Variants in SOX6 observed in about 807,000 individuals in gnomAD.
SOX6 encodes the protein SRY-box transcription factor 6, also known as transcription factor SOX-6.
SOX6 carries 11 observed loss-of-function variants against 97.8 expected under a neutral mutation model. That is an observed-to-expected ratio of 0.11 (90% CI 0.07 to 0.19). The LOEUF (loss-of-function observed/expected upper bound fraction) is 0.19, where lower values mean the gene tolerates loss of function less well. Among genes scored for constraint, SOX6 ranks in the 10% least tolerant of loss-of-function variants. SOX6 has a pLI of 1.00. For synonymous variants in SOX6, 360 were observed against 371.4 expected, an observed-to-expected ratio of 0.97 and a Z score of 0.35; for missense variants, 810 against 1,039.5, an observed-to-expected ratio of 0.78 and a Z score of 3.04.
chr11:16,190,325 G>C (rs755465655), intron 4 of SOX6, among the ~76,000 whole-genome samples: 1 of 152,114 alleles, frequency 6.6e-6, no homozygotes, highest in Non-Finnish European at 1.5e-5. Context: ...AGTACATACA[G>C]TCAACCCCCG....
chr11:16,043,723 C>T (rs1418794909), intron 12 of SOX6, among the ~76,000 whole-genome samples: 2 of 152,174 alleles, frequency 1.3e-5, no homozygotes, highest in Admixed American at 6.5e-5. Flanking sequence ...CACTGATGTG[C>T]AGCACAGATC....
At chr11:16,394,691 C>T (rs780083349) in intron 1 of SOX6, among the ~76,000 whole-genome samples, 48 of 151,754 alleles carry the variant, frequency 3.2e-4, no homozygotes, top group Admixed American at 7.2e-4. Flanking sequence ...ACCTTAAAAC[C>T]CTTCCATGTG....
upstream of SOX6, among the ~76,000 whole-genome samples, chr11:16,358,105 C>T (rs72869999): frequency 6.6e-6 from 1 of 152,074 alleles, no homozygotes; most frequent in African/African-American, 2.4e-5. Context: ...AGCTCCCATG[C>T]AGAATGTATA....
intron 6 of SOX6, among the ~76,000 whole-genome samples, chr11:16,176,429 A>C (rs1851187713): frequency 6.6e-6 from 1 of 151,750 alleles, no homozygotes; most frequent in African/African-American, 2.4e-5. Flanking sequence ...GGTAGTTATA[A>C]AAAAAAGTTA....
chr11:16,653,895 TATTTATG>T (rs1847687645), intron 3 of SOX6, among the ~76,000 whole-genome samples: 1 of 146,014 alleles, frequency 6.8e-6, no homozygotes, highest in Non-Finnish European at 1.5e-5. Context: ...CATAATATAA[TATTTATG>T]TAATATTACA....
At chr11:15,976,896 T>C (rs1344053242) in intron 15 of SOX6, among the ~76,000 whole-genome samples, 5 of 152,030 alleles carry the variant, frequency 3.3e-5, no homozygotes, top group African/African-American at 4.8e-5. Context: ...GAAACTTGGC[T>C]CTCTCTCTAG....
intron 4 of SOX6, among the ~76,000 whole-genome samples, chr11:16,573,476 A>G (rs574125125): frequency 1.3e-5 from 2 of 152,330 alleles, no homozygotes; most frequent in East Asian, 3.9e-4. Flanking sequence ...TTATTTCATT[A>G]TTTCAGAAGT....
intron 9 of SOX6, among the ~76,000 whole-genome samples, chr11:16,057,824 C>T (rs947192529): frequency 6.6e-6 from 1 of 151,998 alleles, no homozygotes; most frequent in African/African-American, 2.4e-5. Context: ...GATATGTTGC[C>T]TTCCTATTCT....
intron 4 of SOX6, among the ~76,000 whole-genome samples, chr11:16,593,968 T>C (rs1848182607): frequency 6.6e-6 from 1 of 152,244 alleles, no homozygotes; most frequent in African/African-American, 2.4e-5. Context: ...ATGCTCTATT[T>C]ACACAGCTCC....
chr11:16,575,401 T>C (rs1355551394), intron 4 of SOX6, among the ~76,000 whole-genome samples: 1 of 152,150 alleles, frequency 6.6e-6, no homozygotes, highest in African/African-American at 2.4e-5. Flanking sequence ...ATATATAGCC[T>C]ACAGAAACTT....
intron 3 of SOX6, among the ~76,000 whole-genome samples, chr11:16,668,222 A>G (rs748454252): frequency 3.9e-5 from 6 of 152,084 alleles, no homozygotes; most frequent in Non-Finnish European, 8.8e-5. Context: ...AAAAATACAA[A>G]AATTAGCCAG....
At chr11:16,078,569 T>A (rs1463579293) in intron 9 of SOX6, among the ~76,000 whole-genome samples, 1 of 152,170 alleles carries the variant, frequency 6.6e-6, no homozygotes, top group Non-Finnish European at 1.5e-5. Context: ...GTTGCTACTA[T>A]GGGCCAGGTA....
At chr11:16,594,825 G>A (rs1276177468) in intron 4 of SOX6, among the ~76,000 whole-genome samples, 1 of 150,870 alleles carries the variant, frequency 6.6e-6, no homozygotes, top group Non-Finnish European at 1.5e-5. Context: ...CAAGTAGCTG[G>A]GACTACAGGC....
At chr11:16,136,162 T>C (rs1849954752) in intron 6 of SOX6, among the ~76,000 whole-genome samples, 1 of 151,264 alleles carries the variant, frequency 6.6e-6, no homozygotes, top group Admixed American at 6.6e-5. Context: ...GGGACTACAG[T>C]TGCGCACCAA....
At chr11:16,355,829 C>G (rs1175793652) in intron 1 of SOX6, among the ~76,000 whole-genome samples, 1 of 151,916 alleles carries the variant, frequency 6.6e-6, no homozygotes, top group Non-Finnish European at 1.5e-5. Flanking sequence ...TGTTAAAAAT[C>G]TACGAGATGC....
intron 4 of SOX6, among the ~76,000 whole-genome samples, chr11:16,521,416 G>A (rs559567557): frequency 6.6e-6 from 1 of 152,278 alleles, no homozygotes; most frequent in South Asian, 2.1e-4. Flanking sequence ...CTGCAGCTGA[G>A]GGTCCTGTCT....
rs762350001 is a variant in SOX6, at chr11:16,585,661, G to A, written n.609+26420C>T. Among the ~76,000 whole-genome samples the A allele has an allele frequency of 1.0e-4, 15 of 148,544 alleles. 1 individual carries two copies. The highest frequency in any genetic ancestry group is 7.5e-4 in the Admixed American group (11 of 14,628). ...GCGGGGGAGTCAACAAAGACTCAAC[G>A]GAGAATTTTTTTTTTTTTACTTTTT... On this transcript the variant is annotated intron_variant and non_coding_transcript_variant, in intron 4 of 5. Coordinates refer to the SOX6 transcript ENST00000524520.
At chr11:16,647,956 TGAAG>T (rs921683116) in intron 3 of SOX6, among the ~76,000 whole-genome samples, 3 of 151,578 alleles carry the variant, frequency 2.0e-5, no homozygotes, top group Non-Finnish European at 4.4e-5. Flanking sequence ...GCTCACAGGG[TGAAG>T]GAAGTTTCCA....
intron 3 of SOX6, among the ~76,000 whole-genome samples, chr11:16,241,358 A>G (rs1239952395): frequency 6.6e-6 from 1 of 152,064 alleles, no homozygotes; most frequent in Non-Finnish European, 1.5e-5. Flanking sequence ...TTAATGGAAT[A>G]AAAACATTCC....
Sources: allele counts gnomAD v4.1 joint callset (sites outside exome capture counted in the v4.1 genomes callset), GRCh38; gene constraint gnomAD v4.1.1; transcripts MANE v1.5; gene names NCBI Gene and HGNC (gene_info 2026-07-23, HGNC 2026-07-21).